OR4X2: variants seen among roughly 807,000 people sequenced by gnomAD.
OR4X2 encodes olfactory receptor family 4 subfamily X member 2, also known as olfactory receptor 4X2.
For missense variants in OR4X2, 554 were observed against 359.5 expected (o/e 1.54, Z -4.38); for synonymous variants, 205 against 136.6 (o/e 1.50, Z -3.49).
Position 48,245,277 on chromosome 11 carries a change from C to T in OR4X2, c.174C>T (p.Leu58=), listed in dbSNP as rs1016494967. 6.2e-7 allele frequency: 1 copy of T among 1,614,038 alleles called. No individual in the cohort carries two copies. The highest frequency in any genetic ancestry group is 8.5e-7 in the Non-Finnish European group (1 of 1,180,030). ...GSPMYFFLSY[L]SFMEICYSSA... is the part of the protein sequence containing the mutation. ...CCATGTACTTCTTCCTCAGCTACCT[C>T]TCCTTCATGGAGATCTGCTACTCCT... The change falls in exon 1 of 1, where the codon CTC becomes CTT. Residue 58 remains leucine (L), a synonymous_variant. Transcript: ENST00000624868.
At position 48,245,372 on chromosome 11, in the gene OR4X2, T is replaced by C; in HGVS notation, c.269T>C (p.Met90Thr). The change falls in exon 1 of 1, where the codon ATG becomes ACG. Residue 90 changes from methionine to threonine, a missense_variant. Physicochemically the swap from Met to Thr is moderately conservative, Grantham distance 81. Coordinates refer to ENST00000624868, the MANE Select transcript of OR4X2 (RefSeq NM_001004727.1). The stretch of plus-strand genomic sequence containing the variant: ...AAAGTCATATCTTGGTGGGGCTGCA[T>C]GGCACAGCTTTTCTTCTTGCACTTC... ...ERKVISWWGC[M>T]AQLFFLHFFG... The C allele has an allele frequency of 6.2e-7, 1 of 1,614,174 alleles. No homozygotes were observed. Among genetic ancestry groups the C allele is most frequent in the Non-Finnish European group, 8.5e-7 (1 of 1,180,026 alleles).
In OR4X2 at chr11:48,245,508, C is replaced by A. The variant is rs762392512; in HGVS notation, c.405C>A (p.Val135=). The change falls in exon 1 of 1, where the codon GTC becomes GTA. Residue 135 remains valine (V), a synonymous_variant. Transcript: ENST00000624868. Reference sequence around the variant, plus strand: ...TCATGAACTGGCAGGTGTGTACTGTCCTTGTAGGAATAGCATGGGTGGGAG... The same window carrying A: ...TCATGAACTGGCAGGTGTGTACTGTACTTGTAGGAATAGCATGGGTGGGAG... ...TTIMNWQVCT[V]LVGIAWVGGF... is the part of the protein sequence containing the mutation. The A allele has an allele frequency of 3.1e-6, 5 of 1,614,140 alleles. No individual in the cohort carries two copies. The highest frequency in any genetic ancestry group is 3.4e-6 in the Non-Finnish European group (4 of 1,180,026).
chr11:48,245,366 G>T lies in OR4X2; in HGVS notation c.263G>T (p.Gly88Val), dbSNP rs1859052129. The change falls in exon 1 of 1, where the codon GGC (glycine) becomes GTC (valine). Residue 88 changes from glycine to valine, a missense_variant. Transcript: ENST00000624868. ...LAERKVISWW[G>V]CMAQLFFLHF... ...GAAAGGAAAGTCATATCTTGGTGGG[G>T]CTGCATGGCACAGCTTTTCTTCTTG... 1 of 1,613,954 alleles carries T rather than the reference G, an allele frequency of 6.2e-7. No homozygotes were observed. The highest frequency in any genetic ancestry group is 8.5e-7 in the Non-Finnish European group (1 of 1,180,024).
At position 48,245,976 on chromosome 11, in the gene OR4X2, G is replaced by A. The variant is rs1234962496; in HGVS notation, c.873G>A (p.Lys291=). The A allele has an allele frequency of 2.5e-6, 4 of 1,613,886 alleles. No homozygotes were observed. Among genetic ancestry groups the A allele is most frequent in the Non-Finnish European group, 3.4e-6 (4 of 1,179,946 alleles). Residue 291 remains lysine (K), a synonymous_variant, in exon 1 of 1, where the codon AAG becomes AAA. Coordinates refer to ENST00000624868, the MANE Select transcript of OR4X2 (RefSeq NM_001004727.1). The stretch of plus-strand genomic sequence containing the variant: ...ATGCTGAAATGAGGAAGGCCATGAA[G>A]AGGCTGTGGATTAGGACATTGAGAC... ...LRNAEMRKAM[K]RLWIRTLRLN...
rs140479664 is a variant in OR4X2, at chr11:48,245,162, T to C, written c.59T>C (p.Phe20Ser). The change falls in exon 1 of 1, where the codon TTT becomes TCT. Residue 20 changes from phenylalanine to serine, a missense_variant. Coordinates refer to ENST00000624868, the MANE Select transcript of OR4X2 (RefSeq NM_001004727.1). ...SPNQEVQRVCFVIFLFLYTAI... is the reference protein window; with the variant it reads ...SPNQEVQRVCSVIFLFLYTAI... Reference sequence around the variant, plus strand: ...AACCAGGAGGTGCAGAGGGTTTGCTTTGTGATATTTCTGTTCTTGTACACA... The same window carrying C: ...AACCAGGAGGTGCAGAGGGTTTGCTCTGTGATATTTCTGTTCTTGTACACA... 44 of 1,614,136 alleles carry C rather than the reference T, an allele frequency of 2.7e-5. No individual in the cohort carries two copies. The Middle Eastern group carries it at 4.9e-4, about 18-fold the overall frequency.
chr11:48,245,176 TTCTTGTACACAGCAATTG>T lies in OR4X2; in HGVS notation c.75_92del (p.Phe25_Val31delinsLeu). The T allele has an allele frequency of 1.2e-6, 2 of 1,614,088 alleles. No individual in the cohort carries two copies. Among genetic ancestry groups the T allele is most frequent in the South Asian group, 2.2e-5 (2 of 91,084 alleles). ...GAGGGTTTGCTTTGTGATATTTCTGTTCTTGTACACAGCAATTGTGCTGGGGAATTTCCTCATTGTGCT... is the reference window on the plus strand; with the variant it reads ...GAGGGTTTGCTTTGTGATATTTCTGTTGCTGGGGAATTTCCTCATTGTGCT... On this transcript the variant is annotated inframe_deletion, in exon 1 of 1. Coordinates refer to ENST00000624868, the MANE Select transcript of OR4X2 (RefSeq NM_001004727.1).
At position 48,245,914 on chromosome 11, in the gene OR4X2, AC is replaced by A; in HGVS notation, c.813del (p.Ala272ArgfsTer3). The A allele has an allele frequency of 1.2e-6, 2 of 1,614,086 alleles. No individual in the cohort carries two copies. Among genetic ancestry groups the A allele is most frequent in the Non-Finnish European group, 1.7e-6 (2 of 1,179,988 alleles). ...GGTGGCTGTGTTCTACACAGTGATA[AC>A]CGCGATCCTGAACCCTGTCATCTAC... Reference protein sequence around the residue: ...KMVAVFYTVITAILNPVIYSL... With the variant: ...KMVAVFYTVIXAILNPVIYSL... On this transcript the variant is annotated frameshift_variant, in exon 1 of 1. Coordinates refer to ENST00000624868, the MANE Select transcript of OR4X2 (RefSeq NM_001004727.1). LOFTEE classifies it low-confidence loss of function (END_TRUNC).
rs571499592 is a variant in OR4X2 at position 48,245,585 on chromosome 11, G to C, written c.482G>C (p.Cys161Ser). Reference protein sequence around the residue: ...QILLIFHLLFCGPNVINHYFC... With the variant: ...QILLIFHLLFSGPNVINHYFC... ...CTTCTCATCTTCCACCTGCTCTTCT[G>C]TGGCCCCAATGTGATCAATCACTAT... The change falls in exon 1 of 1, where the codon TGT (cysteine) becomes TCT (serine). Residue 161 changes from cysteine to serine, a missense_variant. Cys to Ser is a moderately radical substitution (Grantham distance 112). Coordinates refer to ENST00000624868, the MANE Select transcript of OR4X2 (RefSeq NM_001004727.1). The C allele has an allele frequency of 1.9e-6, 3 of 1,613,958 alleles. No homozygotes were observed. In the East Asian group the frequency reaches 6.7e-5, roughly 36 times the overall value.
Position 48,245,846 on chromosome 11 carries a change from T to C in OR4X2, c.743T>C (p.Phe248Ser), listed in dbSNP as rs140367790. 8.5e-5 allele frequency: 138 copies of C among 1,614,076 alleles called. No homozygotes were observed. The African/African-American group carries it at 1.6e-3, about 19-fold the overall frequency. The change falls in exon 1 of 1, where the codon TTC becomes TCC. Residue 248 changes from phenylalanine to serine, a missense_variant. Phe to Ser is a radical substitution (Grantham distance 155). Transcript: ENST00000624868. ...ATCTTGTTCTTTGGGCCCTGCGTCT[T>C]CAACTCTCTGAGGCCTTCTACCACT... ...VVILFFGPCV[F>S]NSLRPSTTLP... is the part of the protein sequence containing the mutation.
chr11:48,245,179 T>C lies in OR4X2; in HGVS notation c.76T>C (p.Leu26=), dbSNP rs1256621944. Residue 26 remains leucine, a synonymous_variant, in exon 1 of 1, where the codon TTG becomes CTG. Transcript: ENST00000624868. ...QRVCFVIFLF[L]YTAIVLGNFL... Reference sequence around the variant, plus strand: ...GGTTTGCTTTGTGATATTTCTGTTCTTGTACACAGCAATTGTGCTGGGGAA... The same window carrying C: ...GGTTTGCTTTGTGATATTTCTGTTCCTGTACACAGCAATTGTGCTGGGGAA... 1.2e-6 allele frequency: 2 copies of C among 1,614,128 alleles called. No homozygotes were observed. Among genetic ancestry groups the C allele is most frequent in the South Asian group, 1.1e-5 (1 of 91,080 alleles).
In OR4X2 at chr11:48,245,708, G is replaced by T. The variant is rs149354803; in HGVS notation, c.605G>T (p.Ser202Ile). The T allele has an allele frequency of 6.2e-7, 1 of 1,614,180 alleles. No individual in the cohort carries two copies. Among genetic ancestry groups the T allele is most frequent in the African/African-American group, 1.3e-5 (1 of 75,036 alleles). ...VANGGTLSVI[S>I]FGVLLASYMV... is the part of the protein sequence containing the mutation. ...AATGGAGGCACCCTGTCTGTGATCA[G>T]TTTTGGGGTCCTCTTAGCATCCTAT... Residue 202 changes from serine (S) to isoleucine (I), a missense_variant, in exon 1 of 1, where the codon AGT (serine) becomes ATT (isoleucine). Physicochemically the swap from Ser to Ile is moderately radical, Grantham distance 142 (BLOSUM62 -2). Transcript: ENST00000624868.
rs1859048233 is a variant in OR4X2 at position 48,245,231 on chromosome 11, C to CCTG, written c.129_130insTGC (p.Thr43_Ser44insCys). Reference sequence around the variant, plus strand: ...TTCCTCATTGTGCTCACTGTCATGACCAGCAGAAGCCTTGGTTCCCCCATG... The same window carrying CCTG: ...TTCCTCATTGTGCTCACTGTCATGACCTGCAGCAGAAGCCTTGGTTCCCCCATG... On this transcript the variant is annotated inframe_insertion, in exon 1 of 1. Coordinates refer to ENST00000624868, the MANE Select transcript of OR4X2 (RefSeq NM_001004727.1). The CCTG allele has an allele frequency of 1.9e-6, 3 of 1,614,034 alleles. No individual in the cohort carries two copies. In the African/African-American group the frequency reaches 4.0e-5, roughly 22 times the overall value.
rs1358220192 is a variant in OR4X2 at position 48,245,463 on chromosome 11, G to A, written c.360G>A (p.Lys120=). ...ATGACCACTATGTGGCCATCTGCAA[G>A]CCCCTCAGCTACACCACCATCATGA... ...MAYDHYVAIC[K]PLSYTTIMNW... is the part of the protein sequence containing the mutation. Residue 120 remains lysine (K), a synonymous_variant, in exon 1 of 1, where the codon AAG becomes AAA. Coordinates refer to ENST00000624868, the MANE Select transcript of OR4X2 (RefSeq NM_001004727.1). 2 of 1,614,126 alleles carry A rather than the reference G, an allele frequency of 1.2e-6. No homozygotes were observed. The highest frequency in any genetic ancestry group is 1.1e-5 in the South Asian group (1 of 91,076).
At position 48,245,403 on chromosome 11, in the gene OR4X2, T is replaced by A; in HGVS notation, c.300T>A (p.Gly100=). The A allele has an allele frequency of 1.2e-6, 2 of 1,614,160 alleles. 1 individual carries two copies. The highest frequency in any genetic ancestry group is 2.2e-5 in the South Asian group (2 of 91,074). The part of the protein sequence containing the change: ...MAQLFFLHFF[G]GTEIFLLTVM... The stretch of plus-strand genomic sequence containing the variant: ...AGCTTTTCTTCTTGCACTTCTTTGG[T>A]GGCACTGAGATTTTCCTGCTCACTG... Residue 100 remains glycine, a synonymous_variant, in exon 1 of 1, where the codon GGT becomes GGA. Transcript: ENST00000624868.
chr11:48,245,274 C>T lies in OR4X2; in HGVS notation c.171C>T (p.Tyr57=). Residue 57 remains tyrosine, a synonymous_variant, in exon 1 of 1, where the codon TAC becomes TAT. Coordinates refer to ENST00000624868, the MANE Select transcript of OR4X2 (RefSeq NM_001004727.1). ...CCCCCATGTACTTCTTCCTCAGCTA[C>T]CTCTCCTTCATGGAGATCTGCTACT... The part of the protein sequence containing the change: ...LGSPMYFFLS[Y]LSFMEICYSS... 2 of 1,614,144 alleles carry T rather than the reference C, an allele frequency of 1.2e-6. No individual in the cohort carries two copies. Among genetic ancestry groups the T allele is most frequent in the Non-Finnish European group, 1.7e-6 (2 of 1,180,020 alleles).
rs771130026 is a variant in OR4X2 at position 48,245,357 on chromosome 11, C to T, written c.254C>T (p.Ser85Phe). The T allele has an allele frequency of 3.3e-5, 53 of 1,614,008 alleles. No individual in the cohort carries two copies. The Admixed American group carries it at 8.5e-4, about 26-fold the overall frequency. ...CTGCTGGCTGAAAGGAAAGTCATAT[C>T]TTGGTGGGGCTGCATGGCACAGCTT... ...SDLLAERKVISWWGCMAQLFF... is the reference protein window; with the variant it reads ...SDLLAERKVIFWWGCMAQLFF... Residue 85 changes from serine to phenylalanine, a missense_variant, in exon 1 of 1, where the codon TCT becomes TTT. Coordinates refer to ENST00000624868, the MANE Select transcript of OR4X2 (RefSeq NM_001004727.1).
In OR4X2 at chr11:48,245,869, A is replaced by G; in HGVS notation, c.766A>G (p.Thr256Ala). ...CTTCAACTCTCTGAGGCCTTCTACCACTCTGCCCATAGACAAGATGGTGGC... is the reference window on the plus strand; with the variant it reads ...CTTCAACTCTCTGAGGCCTTCTACCGCTCTGCCCATAGACAAGATGGTGGC... ...CVFNSLRPST[T>A]LPIDKMVAVF... Residue 256 changes from threonine to alanine, a missense_variant, in exon 1 of 1, where the codon ACT becomes GCT. Physicochemically the swap from Thr to Ala is moderately conservative, Grantham distance 58 (BLOSUM62 0). Coordinates refer to ENST00000624868, the MANE Select transcript of OR4X2 (RefSeq NM_001004727.1). The G allele has an allele frequency of 6.2e-7, 1 of 1,613,826 alleles. No homozygotes were observed. The highest frequency in any genetic ancestry group is 1.1e-5 in the South Asian group (1 of 91,068).
rs1294319320 is a variant in OR4X2 at position 48,245,215 on chromosome 11, G to C, written c.112G>C (p.Val38Leu). The C allele has an allele frequency of 6.2e-7, 1 of 1,613,982 alleles. No homozygotes were observed. Among genetic ancestry groups the C allele is most frequent in the Non-Finnish European group, 8.5e-7 (1 of 1,180,028 alleles). Residue 38 changes from valine (V) to leucine (L), a missense_variant, in exon 1 of 1, where the codon GTG becomes CTG. Physicochemically the swap from Val to Leu is conservative, Grantham distance 32. Transcript: ENST00000624868. ...AATTGTGCTGGGGAATTTCCTCATT[G>C]TGCTCACTGTCATGACCAGCAGAAG... ...TAIVLGNFLIVLTVMTSRSLG... is the reference protein window; with the variant it reads ...TAIVLGNFLILLTVMTSRSLG...
chr11:48,245,617 G>T lies in OR4X2; in HGVS notation c.514G>T (p.Asp172Tyr). 6.2e-7 allele frequency: 1 copy of T among 1,614,074 alleles called. No individual in the cohort carries two copies. The highest frequency in any genetic ancestry group is 1.1e-5 in the South Asian group (1 of 91,064). ...CAATGTGATCAATCACTATTTCTGT[G>T]ACCTAGTTCCCCTTCTCAAACTTGC... is the stretch of plus-strand genomic sequence containing the variant. ...GPNVINHYFC[D>Y]LVPLLKLACS... Residue 172 changes from aspartate (D) to tyrosine (Y), a missense_variant, in exon 1 of 1, where the codon GAC (aspartate) becomes TAC (tyrosine). Transcript: ENST00000624868.
Sources: gnomAD v4.1 joint callset for allele counts on GRCh38, gnomAD v4.1.1 for gene constraint, MANE v1.5 for transcripts, NCBI Gene and HGNC (gene_info 2026-07-23, HGNC 2026-07-21) for gene names.